KALRN: variants seen among roughly 807,000 people sequenced by gnomAD.
KALRN encodes kalirin RhoGEF kinase.
Under a neutral mutation model 353.7 loss-of-function variants are expected in KALRN, and 70 were observed. That is an observed-to-expected ratio of 0.20 (90% CI 0.16 to 0.24). KALRN has a LOEUF of 0.24. Ranked by LOEUF, KALRN falls within the 10% of genes least tolerant of loss-of-function variation. KALRN has a pLI of 1.00. For missense variants in KALRN, 2,791 were observed against 3,756.7 expected, an observed-to-expected ratio of 0.74 and a Z score of 6.72; for synonymous variants, 1,391 against 1,434.8, an observed-to-expected ratio of 0.97 and a Z score of 0.69.
In KALRN at chr3:124,309,442, T is replaced by A. The variant is rs369519653; in HGVS notation, c.1092+10529T>A. Among the ~76,000 whole-genome samples the A allele has an allele frequency of 1.2e-4, 19 of 152,258 alleles. No homozygotes were observed. In the East Asian group the frequency reaches 3.7e-3, roughly 29 times the overall value. ...CAGACATGGTGGTGCTCACGAATAG[T>A]CCCAGCTACTTGTGAGGCTGAGGCA... is the stretch of plus-strand genomic sequence containing the variant. On this transcript the variant is annotated intron_variant, in intron 6 of 59. Transcript: ENST00000682506.
chr3:124,715,386 G>T (rs1408975535), intron 58 of KALRN, among the ~76,000 whole-genome samples: 1 of 152,214 alleles, frequency 6.6e-6, no homozygotes, highest in Non-Finnish European at 1.5e-5. Context: ...GGATTCCCTA[G>T]TCTAGGGTAG....
intron 3 of KALRN, among the ~76,000 whole-genome samples, chr3:124,263,164 A>G (rs907522185): frequency 4.6e-5 from 7 of 152,190 alleles, no homozygotes; most frequent in Admixed American, 3.9e-4. Context: ...ATATAGCAAC[A>G]TCTTGATTTA....
chr3:124,411,223 G>C (rs149578058), intron 13 of KALRN, among the ~76,000 whole-genome samples: 2 of 152,034 alleles, frequency 1.3e-5, no homozygotes, highest in South Asian at 4.2e-4. Flanking sequence ...TTGGAAGGGG[G>C]CACAAGCAGG....
chr3:124,634,059 C>T (rs963684087), intron 36 of KALRN, 106 bp downstream of exon 36: 14 of 813,546 alleles, frequency 1.7e-5, no homozygotes, highest in East Asian at 8.1e-5. Context: ...GTTATCTCGT[C>T]GTCCACATGA....
intron 37 of KALRN, among the ~76,000 whole-genome samples, chr3:124,641,338 AT>A (rs2082022383): frequency 6.6e-6 from 1 of 152,170 alleles, no homozygotes; most frequent in African/African-American, 2.4e-5. Flanking sequence ...ATCTCCCCAG[AT>A]AGAACTAACA....
At chr3:124,110,117 T>C (rs1485789029) in intron 1 of KALRN, among the ~76,000 whole-genome samples, 1 of 7,138 alleles carries the variant, frequency 1.4e-4, no homozygotes, top group Non-Finnish European at 2.5e-4. Context: ...CATACTTTGA[T>C]ATATATATGA....
At chr3:124,506,757 T>C (rs1430584536) in intron 33 of KALRN, among the ~76,000 whole-genome samples, 1 of 152,370 alleles carries the variant, frequency 6.6e-6, no homozygotes, top group East Asian at 1.9e-4. Context: ...TCTGCAAGAA[T>C]AGAATTTTTA....
Position 124,187,168 on chromosome 3 carries a change from C to G in KALRN, c.74-40822C>G, listed in dbSNP as rs563548361. 7.2e-5 allele frequency among the ~76,000 whole-genome samples: 11 copies of G among 152,318 alleles called. No homozygotes were observed. In the South Asian group the frequency reaches 2.3e-3, roughly 32 times the overall value. ...TGATCTCAGCTCGCTGCAAACTCTT[C>G]ATCCTGGTTTCAAGTGATTCTCCTG... On this transcript the variant is annotated intron_variant, in intron 1 of 59. Transcript: ENST00000682506.
intron 56 of KALRN, among the ~76,000 whole-genome samples, chr3:124,700,986 T>C (rs1411071004): frequency 2.0e-5 from 3 of 152,200 alleles, no homozygotes; most frequent in Admixed American, 6.5e-5. Flanking sequence ...GAATTCAAGA[T>C]GGATAAGCCG....
chr3:124,090,675 A>G (rs2061063767), intron 1 of KALRN, among the ~76,000 whole-genome samples: 1 of 152,154 alleles, frequency 6.6e-6, no homozygotes. Flanking sequence ...TGGGGTACGC[A>G]CTAGAATTCA....
chr3:124,284,732 T>C (rs976104839), intron 5 of KALRN, among the ~76,000 whole-genome samples: 9 of 152,220 alleles, frequency 5.9e-5, no homozygotes, highest in African/African-American at 1.7e-4. Context: ...AGGGTGTGAC[T>C]CTTGGTATCA....
chr3:124,139,558 C>A (rs1171322555), intron 1 of KALRN, among the ~76,000 whole-genome samples: 1 of 152,036 alleles, frequency 6.6e-6, no homozygotes, highest in Non-Finnish European at 1.5e-5. Flanking sequence ...TTGTTAGGGA[C>A]AAGGAGGGTT....
At chr3:124,092,909 C>G (rs1559933881) in intron 1 of KALRN, among the ~76,000 whole-genome samples, 1 of 152,134 alleles carries the variant, frequency 6.6e-6, no homozygotes, top group African/African-American at 2.4e-5. Context: ...GGGAGAAACA[C>G]CGGGTTACTT....
chr3:124,717,530 C>CA (rs780824215), intron 59 of KALRN, 145 bp downstream of exon 59: 57 of 475,888 alleles, frequency 1.2e-4, no homozygotes, highest in African/African-American at 1.8e-4. Context: ...ACTAAAAATA[C>CA]AAAAAATACA....
intron 40 of KALRN, 27 bp from the exon 41 acceptor site, chr3:124,657,707 C>T (rs2084252266): frequency 6.4e-7 from 1 of 1,570,184 alleles, no homozygotes; most frequent in African/African-American, 1.4e-5. Context: ...ATGTGGCTTC[C>T]TTCTCTTATC....
rs191378369 is a variant in KALRN, at chr3:124,422,423, T to G, written c.2543-389T>G. 2.4e-3 allele frequency among the ~76,000 whole-genome samples: 365 copies of G among 152,162 alleles called. 1 individual carries two copies. Among genetic ancestry groups the G allele is most frequent in the Admixed American group, 6.7e-3 (103 of 15,280 alleles). ...GTCATTGGCCAAAGTACTGAGACAG[T>G]CTTTTGGTTTGGTTTTTGATTTTCC... On this transcript the variant is annotated intron_variant, in intron 14 of 59. Coordinates refer to ENST00000682506, the MANE Select transcript of KALRN (RefSeq NM_001388419.1).
intron 8 of KALRN, among the ~76,000 whole-genome samples, chr3:124,332,119 T>C (rs997370736): frequency 6.6e-6 from 1 of 152,072 alleles, no homozygotes; most frequent in Non-Finnish European, 1.5e-5. Flanking sequence ...TGGCAGTCAA[T>C]TATGGGAGAT....
intron 3 of KALRN, among the ~76,000 whole-genome samples, chr3:124,246,484 C>A (rs1195516434): frequency 6.6e-6 from 1 of 152,050 alleles, no homozygotes; most frequent in East Asian, 1.9e-4. Flanking sequence ...CTTGGTGATT[C>A]TTTAGTTTTG....
chr3:124,604,745 G>A (rs925767359), intron 34 of KALRN, among the ~76,000 whole-genome samples: 1 of 151,558 alleles, frequency 6.6e-6, no homozygotes, highest in Non-Finnish European at 1.5e-5. Flanking sequence ...GGAATGCAGT[G>A]GTACGATCAT....
Sources: allele counts gnomAD v4.1 joint callset (sites outside exome capture counted in the v4.1 genomes callset), GRCh38; gene constraint gnomAD v4.1.1; transcripts MANE v1.5; gene names NCBI Gene and HGNC (gene_info 2026-07-23, HGNC 2026-07-21).